The following RAB27A variants were observed in gnomAD, a reference collection of about 807,000 sequenced individuals.
RAB27A encodes ras-related protein Rab-27A.
A neutral mutation model predicts 20.8 loss-of-function variants in RAB27A; 17 were observed. That is an observed-to-expected ratio of 0.82 (90% CI 0.56 to 1.23). RAB27A has a LOEUF of 1.23. RAB27A is among the 50% of genes most tolerant of loss of function. RAB27A has a pLI of 0.00. For missense variants in RAB27A, 277 were observed against 266.7 expected (o/e 1.04, Z -0.27); for synonymous variants, 85 against 92.8 (o/e 0.92, Z 0.48).
At chr15:55,277,277 G>A (rs558099752) in intron 1 of RAB27A, among the ~76,000 whole-genome samples, 37 of 152,202 alleles carry the variant, frequency 2.4e-4, no homozygotes, top group Non-Finnish European at 5.3e-4. Context: ...CTGGAGAGCA[G>A]GAAATGGGCT....
intron 2 of RAB27A, among the ~76,000 whole-genome samples, chr15:55,259,672 C>A (rs1337726408): frequency 6.6e-6 from 1 of 152,154 alleles, no homozygotes; most frequent in Non-Finnish European, 1.5e-5. Flanking sequence ...CTTTAATACA[C>A]TGAGAATTCA....
chr15:55,215,643 C>T lies in RAB27A; in HGVS notation c.467+8246G>A, dbSNP rs1407619891. Among the ~76,000 whole-genome samples, 3 of 95,524 alleles carry T rather than the reference C, an allele frequency of 3.1e-5. No homozygotes were observed. The East Asian group carries it at 7.8e-4, about 25-fold the overall frequency. 62.7% of individuals were successfully genotyped at this position (95,524 alleles called of 152,430 possible). A position where few individuals can be genotyped will look rare whatever the true frequency, so the allele number is the denominator to read the frequency against. Reference sequence around the variant, plus strand: ...CTCCAGCCTGGGCGACAGAGCGAGACTCCGTCTCAAAAAAAAAAAAAAGAG... The same window carrying T: ...CTCCAGCCTGGGCGACAGAGCGAGATTCCGTCTCAAAAAAAAAAAAAAGAG... On this transcript the variant is annotated intron_variant, in intron 6 of 6. Coordinates refer to ENST00000336787, the MANE Select transcript of RAB27A (RefSeq NM_183235.3).
intron 2 of RAB27A, among the ~76,000 whole-genome samples, chr15:55,256,255 ATT>A (rs1347762043): frequency 6.6e-6 from 1 of 152,056 alleles, no homozygotes; most frequent in African/African-American, 2.4e-5. Flanking sequence ...TTGTACAAAA[ATT>A]TTTTTAATTA....
Position 55,216,170 on chromosome 15 carries a change from T to TA in RAB27A, c.467+7718dup, listed in dbSNP as rs527411181. Among the ~76,000 whole-genome samples the TA allele has an allele frequency of 4.9e-3, 746 of 152,222 alleles. 6 individuals are homozygous for TA. The highest frequency in any genetic ancestry group is 0.016 in the African/African-American group (681 of 41,544). On this transcript the variant is annotated intron_variant, in intron 6 of 6. Transcript: ENST00000336787. ...CAGAACCTGACACATGTACAAACAA[T>TA]AAATGTTTCTTATTTCCAACACAGA...
At chr15:55,220,930 C>A (rs909432317) in intron 6 of RAB27A, among the ~76,000 whole-genome samples, 1 of 152,226 alleles carries the variant, frequency 6.6e-6, no homozygotes, top group Admixed American at 6.5e-5. Flanking sequence ...CTAGCCCTTT[C>A]CTTTCTTCAA....
At chr15:55,244,793 A>G (rs1368115246) in intron 2 of RAB27A, among the ~76,000 whole-genome samples, 1 of 152,194 alleles carries the variant, frequency 6.6e-6, no homozygotes, top group African/African-American at 2.4e-5. Context: ...ATGTTCTTTC[A>G]TATAATTTAA....
At chr15:55,249,903 T>C (rs1896823460) in intron 2 of RAB27A, among the ~76,000 whole-genome samples, 1 of 152,174 alleles carries the variant, frequency 6.6e-6, no homozygotes, top group Non-Finnish European at 1.5e-5. Context: ...TATGAAACGC[T>C]GGGATTCATG....
intron 2 of RAB27A, among the ~76,000 whole-genome samples, chr15:55,245,872 G>A (rs1896665233): frequency 6.6e-6 from 1 of 152,124 alleles, no homozygotes; most frequent in Admixed American, 6.6e-5. Flanking sequence ...CACTTTGGGA[G>A]GCCAAGGCAG....
rs554889678 is a variant in RAB27A at position 55,317,593 on chromosome 15, G to A, written c.-234+1338C>T. The stretch of plus-strand genomic sequence containing the variant: ...CTCCCAAAGTGCTGGGATTACAGGC[G>A]TGAGCCACTGCGCCAGGCCTAACTC... On this transcript the variant is annotated intron_variant, in intron 1 of 5. Coordinates refer to the RAB27A transcript ENST00000563262. The A allele has an allele frequency of 3.6e-5, 14 of 394,348 alleles. No individual in the cohort carries two copies. In the East Asian group the frequency reaches 5.0e-4, roughly 14 times the overall value. 24.4% of individuals were successfully genotyped at this position (394,348 alleles called of 1,614,324 possible). A position where few individuals can be genotyped will look rare whatever the true frequency, so the allele number is the denominator to read the frequency against.
intron 1 of RAB27A, among the ~76,000 whole-genome samples, chr15:55,284,555 G>T (rs578262695): frequency 6.6e-6 from 1 of 152,268 alleles, no homozygotes; most frequent in South Asian, 2.1e-4. Flanking sequence ...ACAGTTATGC[G>T]GCTCTCAGAG....
In RAB27A at chr15:55,203,579, C is replaced by T. The variant is rs1422930837; in HGVS notation, c.*1928G>A. ...ACAGGTGCCCACCACCACGCCCAGCCCATTTTTTTTTTTTTTTTTTTTTTA... is the reference window on the plus strand; with the variant it reads ...ACAGGTGCCCACCACCACGCCCAGCTCATTTTTTTTTTTTTTTTTTTTTTA... On this transcript the variant is annotated 3_prime_UTR_variant, in exon 7 of 7. Transcript: ENST00000336787. 7 of 108,536 alleles carry T rather than the reference C, an allele frequency of 6.4e-5. No homozygotes were observed. The highest frequency in any genetic ancestry group is 1.1e-4 in the Non-Finnish European group (6 of 54,888). The allele number at this position is 108,536 out of a possible 1,614,324, so 6.7% of individuals were successfully genotyped here. A position where few individuals can be genotyped will look rare whatever the true frequency, so the allele number is the denominator to read the frequency against.
chr15:55,258,367 C>T (rs1897158466), intron 2 of RAB27A, among the ~76,000 whole-genome samples: 1 of 152,172 alleles, frequency 6.6e-6, no homozygotes, highest in African/African-American at 2.4e-5. Context: ...TGCTTTCCAA[C>T]CTTGTTCATG....
At chr15:55,254,523 T>G (rs1025976183) in intron 2 of RAB27A, among the ~76,000 whole-genome samples, 4 of 152,124 alleles carry the variant, frequency 2.6e-5, no homozygotes, top group African/African-American at 9.6e-5. Context: ...ATAATTTCCA[T>G]TAATTTCTGA....
At chr15:55,215,520 CG>C (rs1200640987) in intron 6 of RAB27A, among the ~76,000 whole-genome samples, 1 of 150,784 alleles carries the variant, frequency 6.6e-6, no homozygotes, top group Non-Finnish European at 1.5e-5. Context: ...GGCGTGGTAG[CG>C]GGCGCCTGTA....
intron 2 of RAB27A, among the ~76,000 whole-genome samples, chr15:55,306,987 C>T (rs1279128818): frequency 2.0e-5 from 3 of 152,068 alleles, no homozygotes; most frequent in African/African-American, 4.8e-5. Context: ...CCTGGATTTT[C>T]GGGTTCCTTC....
chr15:55,230,488 T>G lies in RAB27A; in HGVS notation c.154-2A>C, dbSNP rs752117083. 6.2e-7 allele frequency: 1 copy of G among 1,610,940 alleles called. No individual in the cohort carries two copies. Among genetic ancestry groups the G allele is most frequent in the Non-Finnish European group, 8.5e-7 (1 of 1,177,352 alleles). Reference sequence around the variant, plus strand: ...ATCCGGCCCACTGGCTCTGTACACCTAAAACAGCAAAGTGAAAGAGAAAAC... The same window carrying G: ...ATCCGGCCCACTGGCTCTGTACACCGAAAACAGCAAAGTGAAAGAGAAAAC... On this transcript the variant is annotated splice_acceptor_variant, in intron 3 of 6. Transcript: ENST00000336787. LOFTEE classifies it high-confidence loss of function.
intron 1 of RAB27A, chr15:55,288,850 G>A (rs1307299363): frequency 6.6e-6 from 1 of 151,680 alleles, no homozygotes; most frequent in African/African-American, 2.4e-5. Flanking sequence ...AACAGTGAGT[G>A]GAGAATCAAC....
intron 1 of RAB27A, among the ~76,000 whole-genome samples, chr15:55,276,007 A>G (rs191712011): frequency 5.5e-4 from 84 of 152,144 alleles, no homozygotes; most frequent in Admixed American, 3.0e-3. Flanking sequence ...GGGAATACAA[A>G]TTGGTACAGC....
chr15:55,211,121 G>T (rs1387572933), intron 6 of RAB27A, among the ~76,000 whole-genome samples: 1 of 152,076 alleles, frequency 6.6e-6, no homozygotes, highest in East Asian at 1.9e-4. Flanking sequence ...TGGCCTATGT[G>T]TCTGTTTTAT....
Sources: allele counts gnomAD v4.1 joint callset (sites outside exome capture counted in the v4.1 genomes callset), GRCh38; gene constraint gnomAD v4.1.1; transcripts MANE v1.5; gene names NCBI Gene and HGNC (gene_info 2026-07-23, HGNC 2026-07-21).